Variants in ANKRD60 observed in about 807,000 individuals in gnomAD.
ANKRD60 encodes the protein ankyrin repeat domain-containing protein 60.
In ANKRD60, 24 loss-of-function variants were observed where a neutral mutation model predicts 21.3. That is an observed-to-expected ratio of 1.13 (90% CI 0.82 to 1.59). The LOEUF (loss-of-function observed/expected upper bound fraction) is 1.59, where lower values mean the gene tolerates loss of function less well. Among genes scored for constraint, ANKRD60 ranks in the 40% most tolerant of loss-of-function variants. The probability of loss-of-function intolerance (pLI) is 0.00; values close to 1 mark genes in which losing one functional copy is unlikely to be tolerated. For synonymous variants in ANKRD60, 182 were observed against 199.4 expected (o/e 0.91, Z 0.74); for missense variants, 490 against 466.7 (o/e 1.05, Z -0.46).
chr20:58,225,951 G>A (rs1236285303), intron 1 of ANKRD60, among the ~76,000 whole-genome samples: 1 of 152,116 alleles, frequency 6.6e-6, no homozygotes, highest in East Asian at 1.9e-4. Context: ...AGGAGAGATG[G>A]GCTCTAGGGT....
chr20:58,223,965 G>A (rs961642979), intron 1 of ANKRD60, among the ~76,000 whole-genome samples: 4 of 152,164 alleles, frequency 2.6e-5, no homozygotes, highest in South Asian at 2.1e-4. Flanking sequence ...ATCTGGGCCC[G>A]ATGGCTCACA....
chr20:58,220,661 G>A (rs1035366503), intron 3 of ANKRD60, among the ~76,000 whole-genome samples: 15 of 151,732 alleles, frequency 9.9e-5, no homozygotes, highest in African/African-American at 2.7e-4. Flanking sequence ...GCTGGAAGGT[G>A]GACTATTTTG....
chr20:58,218,851 A>G, intron 3 of ANKRD60, 46 bp from the exon 4 acceptor site: 7 of 1,483,174 alleles, frequency 4.7e-6, no homozygotes, highest in East Asian at 2.5e-5. Flanking sequence ...GCGGAGGGGG[A>G]ACACAGGAGG....
chr20:58,228,245 G>A lies in ANKRD60; in HGVS notation c.409C>T (p.Arg137Trp), dbSNP rs970195173. 3.2e-6 allele frequency: 5 copies of A among 1,550,084 alleles called. No individual in the cohort carries two copies. The Admixed American group carries it at 5.9e-5, about 18-fold the overall frequency. The stretch of plus-strand genomic sequence containing the variant: ...CCACCTTCGTCGAGGTACTGGAGCC[G>A]CTGGAGGTTGAAGGGGATGCCGACC... Residue 137 changes from arginine (R) to tryptophan (W), a missense_variant, in exon 1 of 4, where the codon CGG (arginine) becomes TGG (tryptophan). Physicochemically the swap from Arg to Trp is moderately radical, Grantham distance 101. Coordinates refer to ENST00000457363, the Ensembl canonical transcript of ANKRD60. This position sits in a 1 kb window ranked among gnomAD's most constrained non-coding sequence, Gnocchi z 5.3.
exon 2 of ANKRD60, chr20:58,223,168 C>T (rs1378003240): frequency 3.2e-6 from 5 of 1,546,540 alleles, no homozygotes; most frequent in South Asian, 1.2e-5. Context: ...AGGGTAGTGT[C>T]ATCCATCAAA....
At chr20:58,223,327 C>A (rs116609386) in intron 1 of ANKRD60, 145 bp from the exon 2 acceptor site, 2 of 746,844 alleles carry the variant, frequency 2.7e-6, no homozygotes, top group Admixed American at 3.2e-5. Context: ...GATGGTGTCG[C>A]GTGGGTCTGT....
At position 58,223,393 on chromosome 20, in the gene ANKRD60, G is replaced by A. The variant is rs940284144; in HGVS notation, c.431-211C>T. Among the ~76,000 whole-genome samples, 8 of 152,246 alleles carry A rather than the reference G, an allele frequency of 5.3e-5. No individual in the cohort carries two copies. In the South Asian group the frequency reaches 8.3e-4, roughly 16 times the overall value. On this transcript the variant is annotated intron_variant, in intron 1 of 3. Transcript: ENST00000457363. Reference sequence around the variant, plus strand: ...ATTTGGTTCAGCTCAGATGGAAGCCGAACAAAATCACAATGCCAACGATTT... The same window carrying A: ...ATTTGGTTCAGCTCAGATGGAAGCCAAACAAAATCACAATGCCAACGATTT...
chr20:58,222,652 C>G (rs892892671), intron 2 of ANKRD60, among the ~76,000 whole-genome samples: 2 of 152,332 alleles, frequency 1.3e-5, no homozygotes, highest in African/African-American at 4.8e-5. Context: ...CCTCTCCCTC[C>G]GGAACCAGGC....
At position 58,219,650 on chromosome 20, in the gene ANKRD60, G is replaced by A. The variant is rs551875735; in HGVS notation, c.728-845C>T. ...ATAACAAATATGACACAGAAAACAA[G>A]GCAATTCAATTAAATTCAGCTGACA... On this transcript the variant is annotated intron_variant, in intron 3 of 3. Transcript: ENST00000457363. Among the ~76,000 whole-genome samples the A allele has an allele frequency of 5.9e-5, 9 of 152,278 alleles. No homozygotes were observed. In the East Asian group the frequency reaches 1.5e-3, roughly 26 times the overall value.
At chr20:58,217,789 G>C (rs989962773), downstream of ANKRD60, among the ~76,000 whole-genome samples, 13 of 152,196 alleles carry the variant, frequency 8.5e-5, no homozygotes, top group Non-Finnish European at 1.9e-4. Context: ...CTGGCAAGAG[G>C]AGACTGCATG....
At chr20:58,225,770 C>A (rs925029359) in intron 1 of ANKRD60, among the ~76,000 whole-genome samples, 1 of 152,224 alleles carries the variant, frequency 6.6e-6, no homozygotes, top group African/African-American at 2.4e-5. Context: ...GCAGCAGCAG[C>A]TCAGAGATTT....
chr20:58,218,840 T>C, intron 3 of ANKRD60, 35 bp from the exon 4 acceptor site: 2 of 1,500,958 alleles, frequency 1.3e-6, no homozygotes, highest in Non-Finnish European at 1.8e-6. Flanking sequence ...AAGGAAGACA[T>C]GCGGAGGGGG....
At chr20:58,227,576 A>G (rs571878884) in intron 1 of ANKRD60, among the ~76,000 whole-genome samples, 1 of 151,904 alleles carries the variant, frequency 6.6e-6, no homozygotes, top group East Asian at 1.9e-4. Context: ...TGGTTAGCCT[A>G]GAGATTTGGG....
At position 58,228,088 on chromosome 20, in the gene ANKRD60, A is replaced by G; in HGVS notation, c.430+136T>C. ...TAAGTGGCCCTTCCATCTGGGTTTC[A>G]GGGTGGTTGGGTTTCAGGGGTTTGC... On this transcript the variant is annotated intron_variant, in intron 1 of 3. Transcript: ENST00000457363. This position sits in a 1 kb window ranked among gnomAD's most constrained non-coding sequence, Gnocchi z 5.3. 1 of 861,774 alleles carries G rather than the reference A, an allele frequency of 1.2e-6. No individual in the cohort carries two copies. Among genetic ancestry groups the G allele is most frequent in the East Asian group, 2.8e-5 (1 of 35,972 alleles). 53.4% of individuals were successfully genotyped at this position (861,774 alleles called of 1,614,324 possible). A position where few individuals can be genotyped will look rare whatever the true frequency, so the allele number is the denominator to read the frequency against.
In ANKRD60 at chr20:58,228,362, CCCGCAGGACGA is replaced by C; in HGVS notation, c.281_291del (p.Phe94CysfsTer52). On this transcript the variant is annotated frameshift_variant, in exon 1 of 4. Transcript: ENST00000457363. LOFTEE classifies it high-confidence loss of function. The surrounding 1 kb of genome is among the most constrained non-coding windows in gnomAD (Gnocchi z 5.3). Reference sequence around the variant, plus strand: ...ATCTCCCCCGTCTCCTCCAGCCGCACCCGCAGGACGAAGACGTCAGGGGCCAAGTCGGGCAA... The same window carrying C: ...ATCTCCCCCGTCTCCTCCAGCCGCACAGACGTCAGGGGCCAAGTCGGGCAA... The C allele has an allele frequency of 3.2e-6, 5 of 1,550,370 alleles. No homozygotes were observed. Among genetic ancestry groups the C allele is most frequent in the Non-Finnish European group, 4.4e-6 (5 of 1,146,906 alleles).
exon 4 of ANKRD60, chr20:58,218,717 C>T: frequency 1.3e-6 from 2 of 1,551,702 alleles, no homozygotes; most frequent in Non-Finnish European, 8.7e-7. Flanking sequence ...CGTGCTGGAG[C>T]AGGAGGATTA....
Position 58,221,328 on chromosome 20 carries a change from C to T in ANKRD60, c.727+10G>A. 1 of 1,547,136 alleles carries T rather than the reference C, an allele frequency of 6.5e-7. No homozygotes were observed. The highest frequency in any genetic ancestry group is 1.4e-5 in the African/African-American group (1 of 72,820). On this transcript the variant is annotated intron_variant, in intron 3 of 3. Transcript: ENST00000457363. ...ACTCATGAATATAGCAAGCTTTCTA[C>T]CAGAATTACCGTGTTCTAGAAGGTA...
At chr20:58,218,773 T>C in exon 4 of ANKRD60, 1 of 1,545,650 alleles carries the variant, frequency 6.5e-7, no homozygotes, top group South Asian at 1.2e-5. Context: ...AGGGGTGTCC[T>C]GCCCAGGGGG....
intron 1 of ANKRD60, among the ~76,000 whole-genome samples, chr20:58,227,525 G>A (rs934627732): frequency 6.6e-6 from 1 of 151,962 alleles, no homozygotes; most frequent in African/African-American, 2.4e-5. Flanking sequence ...CATCCTGGGG[G>A]GGATGTGGTA....
Sources: gnomAD v4.1 joint callset for allele counts (sites outside exome capture counted in the v4.1 genomes callset) on GRCh38, gnomAD v4.1.1 for gene constraint, Gnocchi (gnomAD v3.1) non-coding constraint, MANE v1.5 for transcripts, NCBI Gene and HGNC (gene_info 2026-07-23, HGNC 2026-07-21) for gene names.